Variants in LRRTM3 observed in about 807,000 individuals in gnomAD.
LRRTM3 encodes the protein leucine-rich repeat transmembrane neuronal protein 3.
LRRTM3 carries 24 observed loss-of-function variants against 44.7 expected under a neutral mutation model. The observed-to-expected ratio is 0.54, with a 90% CI of 0.39 to 0.76. The LOEUF (loss-of-function observed/expected upper bound fraction) is 0.76, where lower values mean the gene tolerates loss of function less well. LRRTM3 is among the 30% of genes least tolerant of loss of function. The probability of loss-of-function intolerance (pLI) is 0.00; values close to 1 mark genes in which losing one functional copy is unlikely to be tolerated. For missense variants in LRRTM3, 587 were observed against 702.2 expected, an observed-to-expected ratio of 0.84 and a Z score of 1.85; for synonymous variants, 277 against 278.7, an observed-to-expected ratio of 0.99 and a Z score of 0.06.
chr10:67,093,949 T>C (rs543636996), intron 2 of LRRTM3, among the ~76,000 whole-genome samples: 2 of 152,054 alleles, frequency 1.3e-5, no homozygotes, highest in Admixed American at 1.3e-4. Flanking sequence ...CTTAAGGCAA[T>C]ACCGTGATGT....
chr10:67,020,247 G>C (rs527297626), intron 2 of LRRTM3, among the ~76,000 whole-genome samples: 46 of 152,126 alleles, frequency 3.0e-4, no homozygotes, highest in Non-Finnish European at 6.2e-4. Flanking sequence ...AAGCAAATAA[G>C]TAAAGAACTA....
chr10:67,037,388 G>A (rs12358905), intron 2 of LRRTM3, among the ~76,000 whole-genome samples: 3 of 145,552 alleles, frequency 2.1e-5, no homozygotes, highest in Non-Finnish European at 3.0e-5. Context: ...AAAGAAAAAA[G>A]AAAAAAAAAA....
intron 2 of LRRTM3, among the ~76,000 whole-genome samples, chr10:67,033,997 C>A (rs530628872): frequency 3.5e-4 from 53 of 152,278 alleles, no homozygotes; most frequent in African/African-American, 1.2e-3. Flanking sequence ...GTCTCAAATG[C>A]CTTACCTCAA....
chr10:67,065,466 A>G (rs1438151029), intron 2 of LRRTM3, among the ~76,000 whole-genome samples: 1 of 152,198 alleles, frequency 6.6e-6, no homozygotes, highest in Non-Finnish European at 1.5e-5. Flanking sequence ...TAAAATAAAT[A>G]TTGAAAAGTA....
At chr10:67,020,532 T>C (rs573115923) in intron 2 of LRRTM3, among the ~76,000 whole-genome samples, 17 of 152,312 alleles carry the variant, frequency 1.1e-4, no homozygotes, top group Admixed American at 2.0e-4. Context: ...GTCTTAAGTT[T>C]ATTGAACTCA....
At chr10:67,037,335 A>G (rs1438997807) in intron 2 of LRRTM3, among the ~76,000 whole-genome samples, 1 of 151,550 alleles carries the variant, frequency 6.6e-6, no homozygotes, top group African/African-American at 2.4e-5. Flanking sequence ...AGCAGTTACT[A>G]TGTGGCAACA....
At chr10:67,052,281 A>T (rs1021040705) in intron 2 of LRRTM3, among the ~76,000 whole-genome samples, 1 of 150,976 alleles carries the variant, frequency 6.6e-6, no homozygotes, top group Non-Finnish European at 1.5e-5. Context: ...TCAAGGTGGG[A>T]TAACACAGAA....
At chr10:66,952,752 T>G (rs1433219150) in intron 2 of LRRTM3, among the ~76,000 whole-genome samples, 1 of 152,030 alleles carries the variant, frequency 6.6e-6, no homozygotes, top group Non-Finnish European at 1.5e-5. Flanking sequence ...CCAGGGACTC[T>G]TCTGCTTGGT....
At chr10:66,930,755 T>C (rs544113481) in intron 2 of LRRTM3, among the ~76,000 whole-genome samples, 1 of 152,270 alleles carries the variant, frequency 6.6e-6, no homozygotes, top group East Asian at 1.9e-4. Flanking sequence ...GAATCACCAA[T>C]ATTTTGAAAG....
At chr10:66,983,223 T>C (rs575365962) in intron 2 of LRRTM3, among the ~76,000 whole-genome samples, 54 of 152,300 alleles carry the variant, frequency 3.5e-4, no homozygotes, top group African/African-American at 1.3e-3. Flanking sequence ...AATGGAGGCT[T>C]TGGCTGCCAC....
At chr10:66,948,335 T>C (rs1345254949) in intron 2 of LRRTM3, among the ~76,000 whole-genome samples, 1 of 152,170 alleles carries the variant, frequency 6.6e-6, no homozygotes, top group Admixed American at 6.6e-5. Context: ...AAAGATATTT[T>C]CCAACAAGCA....
intron 2 of LRRTM3, among the ~76,000 whole-genome samples, chr10:66,976,567 A>G (rs1850043427): frequency 6.6e-6 from 1 of 152,186 alleles, no homozygotes; most frequent in Non-Finnish European, 1.5e-5. Context: ...CTTCCTAAAA[A>G]TCTACAGTGA....
intron 2 of LRRTM3, among the ~76,000 whole-genome samples, chr10:67,003,019 GA>G (rs1237760570): frequency 6.6e-6 from 1 of 152,058 alleles, no homozygotes; most frequent in Non-Finnish European, 1.5e-5. Context: ...CGGTAATTAT[GA>G]TACTATTTAT....
rs1554890349 is a variant in LRRTM3, at chr10:66,978,552, A to AATATATATATATATATAT, written c.1536+50102_1536+50119dup. Among the ~76,000 whole-genome samples, 106 of 37,844 alleles carry AATATATATATATATATAT rather than the reference A, an allele frequency of 2.8e-3. 1 individual carries two copies. The highest frequency in any genetic ancestry group is 7.0e-3 in the African/African-American group (81 of 11,504). 24.8% of individuals were successfully genotyped at this position (37,844 alleles called of 152,430 possible). ...AAAAAAAAAAAAAAAAAAAAAAAAA[A>AATATATATATATATATAT]ATATATATATATATATATAGTATGG... On this transcript the variant is annotated intron_variant, in intron 2 of 2. Transcript: ENST00000361320.
At chr10:66,937,594 G>A (rs1259092277) in intron 2 of LRRTM3, among the ~76,000 whole-genome samples, 1 of 152,044 alleles carries the variant, frequency 6.6e-6, no homozygotes, top group Non-Finnish European at 1.5e-5. Context: ...AGGGCATCTG[G>A]GCACGTAGTT....
rs185159402 is a variant in LRRTM3, at chr10:66,964,388, T to A, written c.1536+35936T>A. On this transcript the variant is annotated intron_variant, in intron 2 of 2. Transcript: ENST00000361320. ...ACTCTACCTTGTTTCTCTCATACTT[T>A]AAAATTACATACATTTTTAAACTGG... Among the ~76,000 whole-genome samples the A allele has an allele frequency of 2.0e-3, 307 of 152,300 alleles. 1 individual carries two copies. The highest frequency in any genetic ancestry group is 3.5e-3 in the Non-Finnish European group (238 of 68,028).
At chr10:66,930,557 A>T (rs1490597928) in intron 2 of LRRTM3, among the ~76,000 whole-genome samples, 1 of 152,174 alleles carries the variant, frequency 6.6e-6, no homozygotes, top group Non-Finnish European at 1.5e-5. Context: ...ATTCTTTTTC[A>T]CTTAACCTTC....
intron 2 of LRRTM3, among the ~76,000 whole-genome samples, chr10:67,058,214 C>G (rs527370658): frequency 1.3e-5 from 2 of 152,244 alleles, no homozygotes; most frequent in South Asian, 4.1e-4. Flanking sequence ...TGAAACACCC[C>G]CAACCACTAC....
chr10:67,023,325 CA>C (rs1853147139), intron 2 of LRRTM3, among the ~76,000 whole-genome samples: 1 of 152,078 alleles, frequency 6.6e-6, no homozygotes, highest in Admixed American at 6.6e-5. Context: ...TAGAATAAGA[CA>C]TTCCTCCATG....
Sources: gnomAD v4.1 joint callset for allele counts (sites outside exome capture counted in the v4.1 genomes callset) on GRCh38, gnomAD v4.1.1 for gene constraint, MANE v1.5 for transcripts, NCBI Gene and HGNC (gene_info 2026-07-23, HGNC 2026-07-21) for gene names.